Variants in CSMD1 observed in about 807,000 individuals in gnomAD.
The protein encoded by CSMD1 is CUB and Sushi multiple domains 1.
Under a neutral mutation model 417.5 loss-of-function variants are expected in CSMD1, and 213 were observed. The ratio of observed to expected loss-of-function variants is 0.51; its 90% confidence interval spans 0.46 to 0.57. The LOEUF is 0.57. Among genes scored for constraint, CSMD1 ranks in the 20% least tolerant of loss-of-function variants. The probability of loss-of-function intolerance (pLI) is 0.00; values close to 1 mark genes in which losing one functional copy is unlikely to be tolerated. For synonymous variants in CSMD1, 2,862 were observed against 1,736.8 expected (o/e 1.65, Z -16.11); for missense variants, 6,923 against 4,529.7 (o/e 1.53, Z -15.17).
chr8:4,517,946 T>C (rs1176768493), intron 2 of CSMD1, among the ~76,000 whole-genome samples: 3 of 152,204 alleles, frequency 2.0e-5, no homozygotes, highest in Non-Finnish European at 4.4e-5. Context: ...TTTTAATGAA[T>C]TTCAGGTAGC....
intron 10 of CSMD1, among the ~76,000 whole-genome samples, chr8:3,556,567 G>A (rs566064887): frequency 6.8e-5 from 10 of 146,506 alleles, no homozygotes; most frequent in Non-Finnish European, 1.3e-4. Flanking sequence ...CTCTCTTTCA[G>A]AAATGGAAAA....
intron 42 of CSMD1, 28 bp from the exon 43 acceptor site, chr8:3,110,363 C>T (rs763648350): frequency 2.5e-5 from 39 of 1,555,240 alleles, no homozygotes; most frequent in Admixed American, 1.6e-4. Flanking sequence ...AAAAAACAAG[C>T]GCCATACAGC....
At chr8:3,269,420 A>G (rs1313365099) in intron 26 of CSMD1, among the ~76,000 whole-genome samples, 2 of 152,194 alleles carry the variant, frequency 1.3e-5, no homozygotes, top group African/African-American at 4.8e-5. Context: ...CTCCCATAAA[A>G]CAGTCCCAGC....
At chr8:3,242,656 A>G (rs931615410) in intron 26 of CSMD1, among the ~76,000 whole-genome samples, 1 of 152,042 alleles carries the variant, frequency 6.6e-6, no homozygotes, top group Non-Finnish European at 1.5e-5. Flanking sequence ...TAGGTTTTTA[A>G]GAACACAGGC....
At chr8:3,843,393 A>C (rs1203472639) in intron 5 of CSMD1, among the ~76,000 whole-genome samples, 1 of 152,190 alleles carries the variant, frequency 6.6e-6, no homozygotes, top group Non-Finnish European at 1.5e-5. Context: ...ATAAGCAAAG[A>C]TATTTCAGAT....
rs1182936484 is a variant in CSMD1, at chr8:3,361,671, A to C, written c.3116-2331T>G. Among the ~76,000 whole-genome samples, 7 of 148,556 alleles carry C rather than the reference A, an allele frequency of 4.7e-5. No homozygotes were observed. In the South Asian group the frequency reaches 8.4e-4, roughly 18 times the overall value. ...CATCTCAAAAAAAAAAAAAAAAAAA[A>C]ACAAACAAAAACATTCTTGCCAAAC... On this transcript the variant is annotated intron_variant, in intron 20 of 69. Transcript: ENST00000635120.
Position 2,936,531 on chromosome 8 carries a change from A to C in CSMD1, c.*2054T>G, listed in dbSNP as rs957486557. ...CGCTGACCTCGTCCCGTCTACTGTGAAACAGCAATGTAAGGATTCCCACTG... is the reference window on the plus strand; with the variant it reads ...CGCTGACCTCGTCCCGTCTACTGTGCAACAGCAATGTAAGGATTCCCACTG... On this transcript the variant is annotated 3_prime_UTR_variant, in exon 70 of 70. Transcript: ENST00000635120. The C allele has an allele frequency of 1.3e-5, 2 of 152,156 alleles. No individual in the cohort carries two copies. The highest frequency in any genetic ancestry group is 2.9e-5 in the Non-Finnish European group (2 of 68,050). 9.4% of individuals were successfully genotyped at this position (152,156 alleles called of 1,614,324 possible). A position where few individuals can be genotyped will look rare whatever the true frequency, so the allele number is the denominator to read the frequency against.
At chr8:3,522,958 T>G (rs1020957210) in intron 10 of CSMD1, among the ~76,000 whole-genome samples, 3 of 150,970 alleles carry the variant, frequency 2.0e-5, no homozygotes, top group African/African-American at 7.3e-5. Flanking sequence ...TTTAAACCTG[T>G]CTACTCATTT....
At chr8:3,902,362 A>G (rs1004244207) in intron 5 of CSMD1, among the ~76,000 whole-genome samples, 1 of 152,156 alleles carries the variant, frequency 6.6e-6, no homozygotes, top group Non-Finnish European at 1.5e-5. Context: ...TTCTGTTTAC[A>G]AAAACATGTG....
chr8:3,580,201 G>C (rs543127263), intron 9 of CSMD1, among the ~76,000 whole-genome samples: 3 of 152,260 alleles, frequency 2.0e-5, no homozygotes, highest in Admixed American at 2.0e-4. Flanking sequence ...ACAAAACTAA[G>C]TTTCTTGCCT....
At chr8:3,853,474 T>G (rs538614045) in intron 5 of CSMD1, among the ~76,000 whole-genome samples, 2 of 152,342 alleles carry the variant, frequency 1.3e-5, no homozygotes, top group East Asian at 3.9e-4. Flanking sequence ...GCAAGGATCT[T>G]TGTCTACGTT....
At chr8:4,132,715 C>T (rs1390406499) in intron 3 of CSMD1, among the ~76,000 whole-genome samples, 4 of 152,150 alleles carry the variant, frequency 2.6e-5, no homozygotes, top group Admixed American at 1.3e-4. Flanking sequence ...CGCACTTCCG[C>T]TGTCATGTGT....
At chr8:4,138,096 T>C (rs1263224058) in intron 3 of CSMD1, among the ~76,000 whole-genome samples, 2 of 112,902 alleles carry the variant, frequency 1.8e-5, no homozygotes, top group Non-Finnish European at 1.8e-5. Flanking sequence ...TTGTATTTTT[T>C]AGTAGAGACG....
chr8:4,245,231 C>T (rs753363234), intron 3 of CSMD1, among the ~76,000 whole-genome samples: 6 of 152,150 alleles, frequency 3.9e-5, no homozygotes, highest in East Asian at 1.9e-4. Flanking sequence ...AACTCTAAAT[C>T]GGATGAAATC....
intron 12 of CSMD1, among the ~76,000 whole-genome samples, chr8:3,432,041 T>C (rs551704046): frequency 5.3e-4 from 81 of 152,294 alleles, no homozygotes; most frequent in African/African-American, 1.9e-3. Flanking sequence ...ATTTTTGAAG[T>C]TCCTACTCTG....
At chr8:3,252,515 A>C (rs1800344981) in intron 26 of CSMD1, among the ~76,000 whole-genome samples, 1 of 152,186 alleles carries the variant, frequency 6.6e-6, no homozygotes, top group African/African-American at 2.4e-5. Context: ...ATATTGGTCT[A>C]AAATTCTCTT....
intron 3 of CSMD1, among the ~76,000 whole-genome samples, chr8:4,321,793 A>T (rs1045323122): frequency 6.6e-6 from 1 of 152,142 alleles, no homozygotes; most frequent in Non-Finnish European, 1.5e-5. Context: ...TTTTTTTCTA[A>T]ATTTACAAAG....
intron 5 of CSMD1, among the ~76,000 whole-genome samples, chr8:3,895,960 G>C (rs1441522703): frequency 6.6e-6 from 1 of 152,194 alleles, no homozygotes; most frequent in Admixed American, 6.5e-5. Context: ...ACTTGTAAAA[G>C]ATAGTCCTGT....
intron 5 of CSMD1, among the ~76,000 whole-genome samples, chr8:3,840,922 G>C (rs1803094436): frequency 2.0e-5 from 3 of 151,874 alleles, no homozygotes; most frequent in South Asian, 2.1e-4. Flanking sequence ...GGTCAGGCTG[G>C]TCTCGAACTC....
Sources: gnomAD v4.1 joint callset for allele counts (sites outside exome capture counted in the v4.1 genomes callset) on GRCh38, gnomAD v4.1.1 for gene constraint, MANE v1.5 for transcripts, NCBI Gene and HGNC (gene_info 2026-07-23, HGNC 2026-07-21) for gene names.